NR2F1-AS1: variants seen among roughly 807,000 people sequenced by gnomAD.
NR2F1-AS1 encodes NR2F1 antisense RNA 1.
chr5:93,472,210 C>T (rs553806533), intron 4 of NR2F1-AS1, among the ~76,000 whole-genome samples: 20 of 151,634 alleles, frequency 1.3e-4, no homozygotes, highest in South Asian at 4.1e-4. Flanking sequence ...TGAGATTGTT[C>T]GGCTTGCATA....
chr5:93,570,122 T>C (rs1250213192), intron 1 of NR2F1-AS1: 3 of 152,222 alleles, frequency 2.0e-5, no homozygotes, highest in African/African-American at 7.2e-5. Flanking sequence ...ATATCCTTTT[T>C]ATGAACTACA....
chr5:93,503,411 G>GT (rs1285082676), intron 4 of NR2F1-AS1, among the ~76,000 whole-genome samples: 2 of 152,068 alleles, frequency 1.3e-5, no homozygotes, highest in Non-Finnish European at 2.9e-5. Flanking sequence ...GAGTTTTAGC[G>GT]TAAGAGGGAA....
At chr5:93,584,184 G>A (rs1048820229), upstream of NR2F1-AS1, 1 of 148,708 alleles carries the variant, frequency 6.7e-6, no homozygotes, top group Non-Finnish European at 1.5e-5. Flanking sequence ...GGGCGGCCCC[G>A]GCCTCCGCTC....
At chr5:93,461,515 A>G (rs1449188111) in intron 4 of NR2F1-AS1, among the ~76,000 whole-genome samples, 2 of 152,298 alleles carry the variant, frequency 1.3e-5, no homozygotes, top group East Asian at 3.9e-4. Context: ...TTAAAAAAAA[A>G]TTCAGTCACC....
At chr5:93,554,670 C>A (rs908128402) in intron 3 of NR2F1-AS1, among the ~76,000 whole-genome samples, 2 of 152,084 alleles carry the variant, frequency 1.3e-5, no homozygotes, top group Non-Finnish European at 2.9e-5. Context: ...CTATGATGAG[C>A]AAGGCACTAT....
At chr5:93,502,928 A>C (rs761182073) in intron 4 of NR2F1-AS1, among the ~76,000 whole-genome samples, 6 of 152,214 alleles carry the variant, frequency 3.9e-5, no homozygotes, top group Non-Finnish European at 8.8e-5. Context: ...ATACAAATTT[A>C]ATTCCATTTT....
At chr5:93,532,646 T>C (rs78036179) in intron 4 of NR2F1-AS1, among the ~76,000 whole-genome samples, 4 of 152,344 alleles carry the variant, frequency 2.6e-5, no homozygotes, top group Non-Finnish European at 4.4e-5. Flanking sequence ...CCAACCTGTT[T>C]ACAAACAGCT....
At chr5:93,582,662 T>C (rs1159071993), upstream of NR2F1-AS1, among the ~76,000 whole-genome samples, 1 of 152,186 alleles carries the variant, frequency 6.6e-6, no homozygotes, top group Non-Finnish European at 1.5e-5. Context: ...AAATCTAATT[T>C]TAAAAACTTT....
At chr5:93,437,509 T>A (rs544042893) in intron 4 of NR2F1-AS1, among the ~76,000 whole-genome samples, 1 of 152,320 alleles carries the variant, frequency 6.6e-6, no homozygotes, top group African/African-American at 2.4e-5. Context: ...AGGGCTGGTC[T>A]GGACTAAAAG....
chr5:93,539,172 G>C (rs1751898846), intron 4 of NR2F1-AS1, among the ~76,000 whole-genome samples: 1 of 152,184 alleles, frequency 6.6e-6, no homozygotes, highest in Admixed American at 6.5e-5. Flanking sequence ...CAGCTACTCA[G>C]GAGGCTGAGG....
chr5:93,414,684 A>T (rs140807621), intron 4 of NR2F1-AS1, among the ~76,000 whole-genome samples: 1 of 152,006 alleles, frequency 6.6e-6, no homozygotes, highest in African/African-American at 2.4e-5. Flanking sequence ...TTTCCTTTCT[A>T]CCTGGTGTTC....
chr5:93,538,306 C>G (rs1561489253), intron 4 of NR2F1-AS1, among the ~76,000 whole-genome samples: 1 of 152,070 alleles, frequency 6.6e-6, no homozygotes, highest in Non-Finnish European at 1.5e-5. Context: ...AACTCCATCT[C>G]TACTAAAAAT....
intron 4 of NR2F1-AS1, among the ~76,000 whole-genome samples, chr5:93,501,555 T>C (rs913919556): frequency 7.2e-5 from 11 of 152,028 alleles, no homozygotes; most frequent in Non-Finnish European, 1.6e-4. Context: ...AGTTTCACTA[T>C]GTTGTCCAGG....
intron 4 of NR2F1-AS1, among the ~76,000 whole-genome samples, chr5:93,501,112 C>T (rs939384608): frequency 6.6e-6 from 1 of 151,964 alleles, no homozygotes; most frequent in Non-Finnish European, 1.5e-5. Context: ...AAGTTGATTC[C>T]AAGCCTCATG....
chr5:93,494,450 C>G (rs1394954506), intron 4 of NR2F1-AS1, among the ~76,000 whole-genome samples: 1 of 152,118 alleles, frequency 6.6e-6, no homozygotes, highest in African/African-American at 2.4e-5. Context: ...GCCTGGTCAA[C>G]ATGGGAAACT....
At chr5:93,496,754 T>C (rs1208273832) in intron 4 of NR2F1-AS1, among the ~76,000 whole-genome samples, 1 of 152,198 alleles carries the variant, frequency 6.6e-6, no homozygotes, top group East Asian at 1.9e-4. Flanking sequence ...TTGATATTCA[T>C]ATTTGGTATC....
chr5:93,455,843 G>GCACACA (rs148016646), intron 4 of NR2F1-AS1, among the ~76,000 whole-genome samples: 7 of 145,890 alleles, frequency 4.8e-5, no homozygotes, highest in African/African-American at 1.5e-4. Flanking sequence ...ACACACACAC[G>GCACACA]CACACACACA....
chr5:93,564,981 G>T (rs577424969), intron 1 of NR2F1-AS1, among the ~76,000 whole-genome samples: 1 of 152,148 alleles, frequency 6.6e-6, no homozygotes, highest in Non-Finnish European at 1.5e-5. Context: ...GGGCTTCAGT[G>T]GTTTTTCCCT....
Position 93,448,555 on chromosome 5 carries a change from T to C in NR2F1-AS1, n.639-53013A>G, listed in dbSNP as rs1261630025. ...TATGCAAAATCCAACTCTCTATAAC[T>C]ACCTGATAGCTTAGGTGTGGTACTT... On this transcript the variant is annotated intron_variant and non_coding_transcript_variant, in intron 4 of 5. Transcript: ENST00000660523. 2.0e-5 allele frequency among the ~76,000 whole-genome samples: 3 copies of C among 152,242 alleles called. No individual in the cohort carries two copies. The South Asian group carries it at 6.2e-4, about 32-fold the overall frequency.
Sources: gnomAD v4.1 joint callset for allele counts (sites outside exome capture counted in the v4.1 genomes callset) on GRCh38, gnomAD v4.1.1 for gene constraint, MANE v1.5 for transcripts, NCBI Gene and HGNC (gene_info 2026-07-23, HGNC 2026-07-21) for gene names.